Variants in ABTB3 observed in about 807,000 individuals in gnomAD.
ABTB3 encodes ankyrin repeat and BTB domain containing 3.
At chr12:107,657,044 A>C in the ABTB3 span, among the ~76,000 whole-genome samples, 4 of 143,802 alleles carry the variant, frequency 2.8e-5, no homozygotes, top group Non-Finnish European at 6.2e-5. Flanking sequence ...CCCTGTCTCA[A>C]AAAAAACAAA....
chr12:107,456,073 C>G, the ABTB3 span, among the ~76,000 whole-genome samples: 4 of 152,222 alleles, frequency 2.6e-5, no homozygotes, highest in African/African-American at 4.8e-5. Context: ...ACAAATGTAT[C>G]ATAAATGTTT....
chr12:107,596,607 A>G, the ABTB3 span, among the ~76,000 whole-genome samples: 1 of 151,988 alleles, frequency 6.6e-6, no homozygotes, highest in Non-Finnish European at 1.5e-5. Context: ...AGAGCAAGAC[A>G]CCATCTCAAA....
the ABTB3 span, among the ~76,000 whole-genome samples, chr12:107,439,644 A>G: frequency 3.0e-4 from 46 of 152,132 alleles, no homozygotes; most frequent in Non-Finnish European, 6.0e-4. Flanking sequence ...TCTGACCTCT[A>G]TGGTTCATCT....
At chr12:107,575,563 G>A in the ABTB3 span, among the ~76,000 whole-genome samples, 19 of 152,114 alleles carry the variant, frequency 1.2e-4, no homozygotes, top group African/African-American at 4.6e-4. Context: ...TAAAGTCAAG[G>A]TATAGGCAGG....
the ABTB3 span, among the ~76,000 whole-genome samples, chr12:107,564,906 C>A: frequency 6.6e-6 from 1 of 152,228 alleles, no homozygotes; most frequent in Non-Finnish European, 1.5e-5. Context: ...CTGGGGCAAG[C>A]CCCATGCAGG....
chr12:107,407,996 C>T, the ABTB3 span, among the ~76,000 whole-genome samples: 10 of 152,154 alleles, frequency 6.6e-5, no homozygotes, highest in Middle Eastern at 3.4e-3. Flanking sequence ...CCAACCTCCA[C>T]GTCAAACCTG....
chr12:107,493,063 G>A, the ABTB3 span, among the ~76,000 whole-genome samples: 79 of 150,232 alleles, frequency 5.3e-4, no homozygotes, highest in East Asian at 0.014. Flanking sequence ...GCTTCCCCAG[G>A]GCCAAGCCAC....
chr12:107,493,905 C>A, the ABTB3 span, among the ~76,000 whole-genome samples: 1 of 151,946 alleles, frequency 6.6e-6, no homozygotes. Context: ...CTAGGAGGAG[C>A]CAACTCTGCA....
chr12:107,646,963 G>A, the ABTB3 span, among the ~76,000 whole-genome samples: 1 of 152,116 alleles, frequency 6.6e-6, no homozygotes, highest in South Asian at 2.1e-4. Context: ...AACAGTGTGG[G>A]CAAAAGCACA....
chr12:107,528,345 T>TC, the ABTB3 span, among the ~76,000 whole-genome samples: 1 of 152,254 alleles, frequency 6.6e-6, no homozygotes, highest in Non-Finnish European at 1.5e-5. Flanking sequence ...ATGGCACTGA[T>TC]ATGAAATTTT....
the ABTB3 span, among the ~76,000 whole-genome samples, chr12:107,444,159 T>C: frequency 6.6e-6 from 1 of 152,238 alleles, no homozygotes; most frequent in Non-Finnish European, 1.5e-5. Context: ...GTCAGGGTCC[T>C]GCAGAGAGAA....
the ABTB3 span, among the ~76,000 whole-genome samples, chr12:107,466,402 C>G: frequency 6.6e-6 from 1 of 152,080 alleles, no homozygotes; most frequent in Non-Finnish European, 1.5e-5. Flanking sequence ...AAAACAGGAC[C>G]ACTTTCACTG....
chr12:107,444,462 A>G, the ABTB3 span, among the ~76,000 whole-genome samples: 1 of 152,196 alleles, frequency 6.6e-6, no homozygotes, highest in Non-Finnish European at 1.5e-5. Context: ...ATTAGCATAG[A>G]CTAGATGCTG....
At chr12:107,627,752 C>T in the ABTB3 span, among the ~76,000 whole-genome samples, 1 of 152,168 alleles carries the variant, frequency 6.6e-6, no homozygotes, top group Non-Finnish European at 1.5e-5. Context: ...GTGAATATCC[C>T]AACCCAGTCA....
At chr12:107,621,029 G>A in the ABTB3 span, among the ~76,000 whole-genome samples, 1 of 152,118 alleles carries the variant, frequency 6.6e-6, no homozygotes, top group East Asian at 1.9e-4. Flanking sequence ...GCCGGGCTGG[G>A]CTGTGTGACT....
chr12:107,470,004 CTT>C, the ABTB3 span, among the ~76,000 whole-genome samples: 724 of 95,208 alleles, frequency 7.6e-3, 10 homozygotes, highest in South Asian at 0.013. Context: ...TTCTTTCTTT[CTT>C]TCTTTCTCTC....
chr12:107,434,762 G>A, the ABTB3 span, among the ~76,000 whole-genome samples: 1 of 152,168 alleles, frequency 6.6e-6, no homozygotes, highest in East Asian at 1.9e-4. Context: ...TACTTGAGAG[G>A]CTGAGGTGGG....
At chr12:107,391,938 G>T in the ABTB3 span, among the ~76,000 whole-genome samples, 1 of 152,178 alleles carries the variant, frequency 6.6e-6, no homozygotes, top group East Asian at 1.9e-4. Context: ...ACCAACAAAG[G>T]GTGCTCAGTT....
chr12:107,346,389 G>A, the ABTB3 span, among the ~76,000 whole-genome samples: 1 of 152,156 alleles, frequency 6.6e-6, no homozygotes, highest in Non-Finnish European at 1.5e-5. Flanking sequence ...TCCAGAGAAG[G>A]CATCCTCTAG....
Sources: gnomAD v4.1 joint callset for allele counts (sites outside exome capture counted in the v4.1 genomes callset) on GRCh38, gnomAD v4.1.1 for gene constraint, MANE v1.5 for transcripts, NCBI Gene and HGNC (gene_info 2026-07-23, HGNC 2026-07-21) for gene names.